The following DPP9 variants were observed in gnomAD, a reference collection of about 807,000 sequenced individuals.
The protein encoded by DPP9 is dipeptidyl peptidase 9.
Under a neutral mutation model 110.7 loss-of-function variants are expected in DPP9, and 50 were observed. The observed-to-expected ratio is 0.45, with a 90% CI of 0.36 to 0.57. The LOEUF (loss-of-function observed/expected upper bound fraction) is 0.57, where lower values mean the gene tolerates loss of function less well. Among genes scored for constraint, DPP9 ranks in the 20% least tolerant of loss-of-function variants. DPP9 has a pLI of 0.00. For synonymous variants in DPP9, 561 were observed against 514.4 expected (o/e 1.09, Z -1.23); for missense variants, 1,022 against 1,217.9 (o/e 0.84, Z 2.39).
At position 4,710,721 on chromosome 19, in the gene DPP9, T is replaced by C. The variant is rs1276547909; in HGVS notation, c.313+3360A>G. On this transcript the variant is annotated intron_variant, in intron 4 of 21. Transcript: ENST00000262960. This position sits in a 1 kb window ranked among gnomAD's most constrained non-coding sequence, Gnocchi z 5.6. ...AGAAGTGTTATTATTACTCAGGGGC[T>C]GGGGGGAGGCCTGCCCCGAGAACCT... Among the ~76,000 whole-genome samples, 1 of 152,010 alleles carries C rather than the reference T, an allele frequency of 6.6e-6. No homozygotes were observed. Among genetic ancestry groups the C allele is most frequent in the Non-Finnish European group, 1.5e-5 (1 of 67,982 alleles).
At chr19:4,714,992 T>G (rs909873110) in intron 3 of DPP9, among the ~76,000 whole-genome samples, 1 of 150,558 alleles carries the variant, frequency 6.6e-6, no homozygotes, top group Non-Finnish European at 1.5e-5. Flanking sequence ...TTGCTTAACT[T>G]CTTTGATATA....
intron 13 of DPP9, 25 bp from the exon 14 acceptor site, chr19:4,690,982 T>C: frequency 6.3e-7 from 1 of 1,585,858 alleles, no homozygotes; most frequent in South Asian, 1.1e-5. Flanking sequence ...AGAAGGGAGG[T>C]GAAGGGGCCT....
chr19:4,705,998 C>T (rs369982909), intron 4 of DPP9, 28 bp from the exon 5 acceptor site: 47 of 1,596,576 alleles, frequency 2.9e-5, no homozygotes, highest in Middle Eastern at 1.7e-4. Flanking sequence ...ACACCCAGAA[C>T]GGGTACCCTG....
intron 3 of DPP9, chr19:4,717,620 A>C (rs985993916): frequency 1.3e-5 from 2 of 152,234 alleles, no homozygotes; most frequent in Non-Finnish European, 2.9e-5. Context: ...CTTGCCTCTG[A>C]TCACCACTGA....
At position 4,690,877 on chromosome 19, in the gene DPP9, C is replaced by A; in HGVS notation, c.1596+1G>T. ...GGAAGGCTGCAAGGAGACCCTGGTA[C>A]CTTGGAGCCGTGCCTCGCCAAAACC... On this transcript the variant is annotated splice_donor_variant, in intron 14 of 21. Coordinates refer to ENST00000262960, the MANE Select transcript of DPP9 (RefSeq NM_139159.5). LOFTEE classifies it high-confidence loss of function. The A allele has an allele frequency of 6.2e-7, 1 of 1,612,012 alleles. No individual in the cohort carries two copies. The highest frequency in any genetic ancestry group is 8.5e-7 in the Non-Finnish European group (1 of 1,179,014).
chr19:4,721,067 C>T (rs1453857612), intron 2 of DPP9, among the ~76,000 whole-genome samples: 1 of 152,196 alleles, frequency 6.6e-6, no homozygotes. Context: ...TAACCGGCCC[C>T]CCCAGGGGAC....
intron 4 of DPP9, among the ~76,000 whole-genome samples, chr19:4,712,005 C>T (rs779521159): frequency 6.6e-6 from 1 of 152,034 alleles, no homozygotes; most frequent in Non-Finnish European, 1.5e-5. Flanking sequence ...GATTTCTGCC[C>T]TCCAGAAGTG....
intron 7 of DPP9, among the ~76,000 whole-genome samples, 164 bp from the exon 8 acceptor site, chr19:4,702,880 C>A: frequency 7.4e-5 from 1 of 13,432 alleles, no homozygotes; most frequent in African/African-American, 3.3e-4. Flanking sequence ...GAGCTCGGAG[C>A]CGACTGCTTT....
At position 4,695,513 on chromosome 19, in the gene DPP9, C is replaced by A; in HGVS notation, c.1218G>T (p.Gln406His). The A allele has an allele frequency of 6.5e-7, 1 of 1,536,096 alleles. No individual in the cohort carries two copies. The highest frequency in any genetic ancestry group is 8.7e-7 in the Non-Finnish European group (1 of 1,144,224). Residue 406 changes from glutamine to histidine, a missense_variant, in exon 12 of 22, where the codon CAG becomes CAT. By Grantham distance (24) the Gln-to-His change is conservative. Transcript: ENST00000262960. This position sits in a 1 kb window ranked among gnomAD's most constrained non-coding sequence, Gnocchi z 4.7. ...ACAGGGCCGGGGGGAGGAGGACGAG[C>A]TGGAGCCACTGCTGGGGCCGGTCCA... ...MFLDRPQQWLQLVLLPPALFI... is the reference protein window; with the variant it reads ...MFLDRPQQWLHLVLLPPALFI...
chr19:4,712,816 G>A (rs2092897465), intron 4 of DPP9, among the ~76,000 whole-genome samples: 1 of 152,240 alleles, frequency 6.6e-6, no homozygotes, highest in Admixed American at 6.5e-5. Flanking sequence ...GGACTGCGCT[G>A]ATGGCGGAAG....
At chr19:4,703,082 G>A (rs976300499) in intron 7 of DPP9, among the ~76,000 whole-genome samples, 1 of 151,576 alleles carries the variant, frequency 6.6e-6, no homozygotes, top group Non-Finnish European at 1.5e-5. Context: ...GCCAGGTTTG[G>A]AAAGTGGGGC....
intron 8 of DPP9, 103 bp downstream of exon 8, chr19:4,702,500 A>C (rs2092325413): frequency 1.2e-6 from 1 of 834,584 alleles, no homozygotes; most frequent in African/African-American, 1.7e-5. Flanking sequence ...CAGACTGTGG[A>C]GGTGGTTTGA....
rs761172421 is a variant in DPP9, at chr19:4,682,914, C to G, written c.2332-76G>C. The stretch of plus-strand genomic sequence containing the variant: ...GTCGGGTCCTACAGCCAGCATCAGC[C>G]GCTGTCCCGGGGCCGCCCTGGAGCC... On this transcript the variant is annotated intron_variant, in intron 19 of 21. Transcript: ENST00000262960. The surrounding 1 kb of genome is among the most constrained non-coding windows in gnomAD (Gnocchi z 7.1). The G allele has an allele frequency of 3.9e-6, 6 of 1,539,578 alleles. No homozygotes were observed. In the South Asian group the frequency reaches 4.8e-5, roughly 12 times the overall value.
intron 16 of DPP9, among the ~76,000 whole-genome samples, chr19:4,686,561 C>G (rs976931619): frequency 6.6e-6 from 1 of 152,046 alleles, no homozygotes; most frequent in Non-Finnish European, 1.5e-5. Context: ...CTTAGGTGAT[C>G]CACCCACCTA....
Position 4,695,326 on chromosome 19 carries a change from A to G in DPP9, c.1353+52T>C. 4.0e-6 allele frequency: 6 copies of G among 1,502,290 alleles called. No individual in the cohort carries two copies. The highest frequency in any genetic ancestry group is 4.5e-6 in the Non-Finnish European group (5 of 1,122,560). 93.1% of individuals were successfully genotyped at this position (1,502,290 alleles called of 1,614,324 possible). ...CCTTCTAGGACGTGGGGGTGGGGAC[A>G]GTGTGACTCCAGGGCCCAGGCGGGC... On this transcript the variant is annotated intron_variant, in intron 12 of 21. Transcript: ENST00000262960. This position sits in a 1 kb window ranked among gnomAD's most constrained non-coding sequence, Gnocchi z 4.7.
chr19:4,720,634 A>G (rs2093279260), intron 2 of DPP9, among the ~76,000 whole-genome samples: 1 of 152,064 alleles, frequency 6.6e-6, no homozygotes, highest in Admixed American at 6.6e-5. Context: ...CCCTCAGGGG[A>G]CACTGGACAA....
intron 4 of DPP9, among the ~76,000 whole-genome samples, chr19:4,709,109 G>C (rs1307867950): frequency 1.3e-5 from 2 of 151,998 alleles, no homozygotes; most frequent in African/African-American, 4.8e-5. Flanking sequence ...AGTAGAGACA[G>C]GGGTTTCACT....
rs546732762 is a variant in DPP9 at position 4,719,796 on chromosome 19, A to G, written c.56+55T>C. The G allele has an allele frequency of 2.5e-5, 39 of 1,545,214 alleles. No homozygotes were observed. The East Asian group carries it at 2.7e-4, about 11-fold the overall frequency. ...CTTCCAGATCTTAGACTGTTGGGGA[A>G]TTCCAGAAGCTGGGCCACATCCTCA... On this transcript the variant is annotated intron_variant, in intron 3 of 21. Coordinates refer to ENST00000262960, the MANE Select transcript of DPP9 (RefSeq NM_139159.5).
chr19:4,721,333 C>T (rs2093314300), intron 2 of DPP9, among the ~76,000 whole-genome samples: 1 of 152,374 alleles, frequency 6.6e-6, no homozygotes, highest in East Asian at 1.9e-4. Flanking sequence ...CCAGACCATG[C>T]CTGGTCCTCA....
Sources: allele counts gnomAD v4.1 joint callset (sites outside exome capture counted in the v4.1 genomes callset), GRCh38; gene constraint gnomAD v4.1.1; non-coding constraint Gnocchi (gnomAD v3.1); transcripts MANE v1.5; gene names NCBI Gene and HGNC (gene_info 2026-07-23, HGNC 2026-07-21).